Variants in PISD observed in about 807,000 individuals in gnomAD.
PISD encodes phosphatidylserine decarboxylase, also known as phosphatidylserine decarboxylase proenzyme, mitochondrial.
In PISD, 31 loss-of-function variants were observed where a neutral mutation model predicts 43.5. The observed-to-expected ratio is 0.71, with a 90% confidence interval of 0.54 to 0.96. PISD has a LOEUF of 0.96. PISD is among the 40% of genes least tolerant of loss of function. The probability of loss-of-function intolerance (pLI) is 0.00; values close to 1 mark genes in which losing one functional copy is unlikely to be tolerated. For missense variants in PISD, 523 were observed against 548.4 expected, an observed-to-expected ratio of 0.95 and a Z score of 0.46; for synonymous variants, 259 against 228.7, an observed-to-expected ratio of 1.13 and a Z score of -1.20.
At position 31,619,702 on chromosome 22, in the gene PISD, G is replaced by A. The variant is rs769378162; in HGVS notation, c.1140C>T (p.Ile380=). 1.5e-5 allele frequency: 24 copies of A among 1,614,248 alleles called. No individual in the cohort carries two copies. The highest frequency in any genetic ancestry group is 3.3e-4 in the Middle Eastern group (2 of 6,062). ...HLGEFNLGST[I]VLIFEAPKDF... ...CCTTGGGGGCCTCGAAGATGAGCAC[G>A]ATGGTGGAGCCCAGGTTGAACTCGC... The change falls in exon 8 of 8, where the codon ATC becomes ATT. Residue 380 remains isoleucine, a synonymous_variant. Coordinates refer to ENST00000439502, the MANE Select transcript of PISD (RefSeq NM_001326411.2).
intron 1 of PISD, 80 bp downstream of exon 1, chr22:31,662,064 A>G (rs1355067738): frequency 1.5e-6 from 2 of 1,324,984 alleles, no homozygotes; most frequent in African/African-American, 2.9e-5. Context: ...CGAGCCCGCG[A>G]CACAGAAACA....
chr22:31,638,587 C>CA, intron 3 of PISD: 1 of 985,446 alleles, frequency 1.0e-6, no homozygotes, highest in Non-Finnish European at 1.2e-6. Flanking sequence ...CTCCTCCCCT[C>CA]AGAGATCTGC....
intron 3 of PISD, chr22:31,629,142 GA>G (rs985895549): frequency 6.1e-6 from 6 of 985,174 alleles, no homozygotes; most frequent in African/African-American, 3.5e-5. Flanking sequence ...CCCCCCAGTG[GA>G]ATGGAACATT....
At position 31,618,743 on chromosome 22, in the gene PISD, A is replaced by C. The variant is rs2072273176; in HGVS notation, c.*869T>G. On this transcript the variant is annotated 3_prime_UTR_variant, in exon 8 of 8. Coordinates refer to ENST00000439502, the MANE Select transcript of PISD (RefSeq NM_001326411.2). ...CAGGTTTTCCAGGCACTGACCAACT[A>C]TCCACCAAGGGTCCTCTGCCTCCAA... is the stretch of plus-strand genomic sequence containing the variant. The C allele has an allele frequency of 8.5e-6, 2 of 236,452 alleles. No homozygotes were observed. Among genetic ancestry groups the C allele is most frequent in the Non-Finnish European group, 1.6e-5 (2 of 122,424 alleles). The allele number at this position is 236,452 out of a possible 1,614,324, so 14.6% of individuals were successfully genotyped here.
At chr22:31,626,187 AGCT>A in intron 3 of PISD, 3 of 401,972 alleles carry the variant, frequency 7.5e-6, no homozygotes, top group Non-Finnish European at 1.1e-5. Flanking sequence ...CCTCTTCCTC[AGCT>A]GGCCTGGGGA....
intron 1 of PISD, among the ~76,000 whole-genome samples, chr22:31,660,981 C>A (rs1384901626): frequency 6.6e-6 from 1 of 152,178 alleles, no homozygotes; most frequent in East Asian, 1.9e-4. Context: ...GTGATCCACC[C>A]ACCTTGGCCT....
intron 1 of PISD, among the ~76,000 whole-genome samples, chr22:31,656,679 A>AATAC (rs2074187976): frequency 6.6e-6 from 1 of 151,842 alleles, no homozygotes; most frequent in Non-Finnish European, 1.5e-5. Flanking sequence ...TAAATAAATA[A>AATAC]ATAAACAAAA....
intron 3 of PISD, among the ~76,000 whole-genome samples, chr22:31,631,723 G>C (rs761443190): frequency 6.6e-6 from 1 of 152,226 alleles, no homozygotes; most frequent in Non-Finnish European, 1.5e-5. Context: ...GGGAGGGGAA[G>C]GGTCTGAGAG....
chr22:31,636,209 G>A (rs1673617032), intron 3 of PISD, among the ~76,000 whole-genome samples: 2 of 152,232 alleles, frequency 1.3e-5, no homozygotes, highest in African/African-American at 4.8e-5. Context: ...CTTATGCTTA[G>A]GCTGAATGGT....
intron 3 of PISD, among the ~76,000 whole-genome samples, chr22:31,645,532 CTG>C (rs1015605525): frequency 3.3e-5 from 5 of 149,902 alleles, no homozygotes; most frequent in African/African-American, 1.2e-4. Context: ...TGGTGAAACC[CTG>C]TCTCTTTTTT....
At chr22:31,641,652 C>T (rs1569489212) in intron 3 of PISD, among the ~76,000 whole-genome samples, 1 of 150,626 alleles carries the variant, frequency 6.6e-6, no homozygotes. Flanking sequence ...CCGATCTCTA[C>T]TAAAAACACA....
chr22:31,630,743 C>A lies in PISD; in HGVS notation c.322-8858G>T. ...CCCTCTGAGCGGGCAGGGTGGGGCG[C>A]CTCCCTGAGAAGTCACCTGGGGCTC... On this transcript the variant is annotated intron_variant, in intron 3 of 7. Coordinates refer to ENST00000439502, the MANE Select transcript of PISD (RefSeq NM_001326411.2). This position sits in a 1 kb window ranked among gnomAD's most constrained non-coding sequence, Gnocchi z 4.4. 11 of 985,484 alleles carry A rather than the reference C, an allele frequency of 1.1e-5. No homozygotes were observed. Among genetic ancestry groups the A allele is most frequent in the Non-Finnish European group, 1.3e-5 (11 of 829,950 alleles). The allele number at this position is 985,484 out of a possible 1,614,324, so 61.0% of individuals were successfully genotyped here.
In PISD at chr22:31,630,693, G is replaced by T. The variant is rs898186584; in HGVS notation, c.322-8808C>A. 1.0e-6 allele frequency: 1 copy of T among 981,780 alleles called. No homozygotes were observed. The highest frequency in any genetic ancestry group is 1.2e-6 in the Non-Finnish European group (1 of 826,720). 60.8% of individuals were successfully genotyped at this position (981,780 alleles called of 1,614,324 possible). ...AGCCCACCTGCGACCGAAGGCCCTA[G>T]AAGGGCACCCCCACCCGGCACTGGC... On this transcript the variant is annotated intron_variant, in intron 3 of 7. Coordinates refer to ENST00000439502, the MANE Select transcript of PISD (RefSeq NM_001326411.2). This position sits in a 1 kb window ranked among gnomAD's most constrained non-coding sequence, Gnocchi z 4.4.
Position 31,648,250 on chromosome 22 carries a change from C to G in PISD, c.172G>C (p.Ala58Pro). ...TDARKIHTAP[A>P]RTMFLLRPLP... ...GGACGCAGCAGGAACATGGTTCGGGCAGGGGCAGTGTGGATTTTTCTGGCA... is the reference window on the plus strand; with the variant it reads ...GGACGCAGCAGGAACATGGTTCGGGGAGGGGCAGTGTGGATTTTTCTGGCA... The change falls in exon 3 of 8, where the codon GCC (alanine) becomes CCC (proline). Residue 58 changes from alanine (A) to proline (P), a missense_variant. Ala to Pro is a conservative substitution (Grantham distance 27). Transcript: ENST00000439502. 1 of 1,610,348 alleles carries G rather than the reference C, an allele frequency of 6.2e-7. No individual in the cohort carries two copies. The highest frequency in any genetic ancestry group is 1.1e-5 in the South Asian group (1 of 90,542).
chr22:31,645,502 C>T (rs1162676762), intron 3 of PISD, among the ~76,000 whole-genome samples: 1 of 148,882 alleles, frequency 6.7e-6, no homozygotes, highest in Non-Finnish European at 1.5e-5. Context: ...GTCAGGAGTT[C>T]GAGAGCAGCC....
At chr22:31,635,517 C>T (rs2073402173) in intron 3 of PISD, among the ~76,000 whole-genome samples, 1 of 152,076 alleles carries the variant, frequency 6.6e-6, no homozygotes, top group Non-Finnish European at 1.5e-5. Flanking sequence ...TGGCCAGGCT[C>T]ATCTCAAACT....
chr22:31,655,475 T>G (rs2074145125), intron 1 of PISD, among the ~76,000 whole-genome samples: 1 of 151,946 alleles, frequency 6.6e-6, no homozygotes, highest in Admixed American at 6.6e-5. Flanking sequence ...ACCAGCACAC[T>G]TAGCTAATTT....
chr22:31,661,232 C>T (rs1377555372), intron 1 of PISD, among the ~76,000 whole-genome samples: 1 of 152,096 alleles, frequency 6.6e-6, no homozygotes, highest in African/African-American at 2.4e-5. Context: ...GTTTCTGTTC[C>T]CTCTCAGTCC....
At chr22:31,628,773 TG>T (rs1225628580) in intron 3 of PISD, 1 of 958,370 alleles carries the variant, frequency 1.0e-6, no homozygotes, top group African/African-American at 1.8e-5. Flanking sequence ...GCTGCAACCA[TG>T]GCCCAGAACA....
Sources: allele counts gnomAD v4.1 joint callset (sites outside exome capture counted in the v4.1 genomes callset), GRCh38; gene constraint gnomAD v4.1.1; non-coding constraint Gnocchi (gnomAD v3.1); transcripts MANE v1.5; gene names NCBI Gene and HGNC (gene_info 2026-07-23, HGNC 2026-07-21).